The following EIF2B3 variants were observed in gnomAD, a reference collection of about 807,000 sequenced individuals.
EIF2B3 encodes eukaryotic translation initiation factor 2B subunit gamma.
Under a neutral mutation model 54.1 loss-of-function variants are expected in EIF2B3, and 20 were observed. That is an observed-to-expected ratio of 0.37 (90% CI 0.26 to 0.54). The LOEUF (loss-of-function observed/expected upper bound fraction) is 0.54, where lower values mean the gene tolerates loss of function less well. Ranked by LOEUF, EIF2B3 falls within the 20% of genes least tolerant of loss-of-function variation. The pLI, the probability that EIF2B3 is intolerant of heterozygous loss-of-function variation, is 0.86. For synonymous variants in EIF2B3, 153 were observed against 188.1 expected, an observed-to-expected ratio of 0.81 and a Z score of 1.52; for missense variants, 448 against 547.8, an observed-to-expected ratio of 0.82 and a Z score of 1.82.
chr1:44,936,645 TGA>T (rs1166299483), intron 4 of EIF2B3, among the ~76,000 whole-genome samples: 1 of 152,154 alleles, frequency 6.6e-6, no homozygotes, highest in East Asian at 1.9e-4. Context: ...TTTGTCACTA[TGA>T]GTTTCCCTTC....
chr1:44,922,836 ATTTTTTTTTTTTTTT>A (rs386366852), intron 5 of EIF2B3, among the ~76,000 whole-genome samples: 1 of 56,642 alleles, frequency 1.8e-5, no homozygotes, highest in African/African-American at 6.9e-5. Context: ...TCTTTTTCAG[ATTTTTTTTTTTTTTT>A]TTTTTTTTTT....
At chr1:44,905,512 T>A (rs2148919168) in intron 5 of EIF2B3, among the ~76,000 whole-genome samples, 1 of 152,272 alleles carries the variant, frequency 6.6e-6, no homozygotes, top group African/African-American at 2.4e-5. Context: ...AATCCTTTAT[T>A]CTCTATGACT....
chr1:44,922,823 ATTTC>A (rs904960175), intron 5 of EIF2B3, among the ~76,000 whole-genome samples: 5 of 77,772 alleles, frequency 6.4e-5, no homozygotes, highest in Non-Finnish European at 1.4e-4. Context: ...TACTTTCTTG[ATTTC>A]TTTTTCAGAT....
At chr1:44,891,085 A>G (rs914835156) in intron 6 of EIF2B3, among the ~76,000 whole-genome samples, 2 of 151,666 alleles carry the variant, frequency 1.3e-5, no homozygotes, top group Non-Finnish European at 2.9e-5. Context: ...GGGAAAAAAA[A>G]GAGACTTTTT....
chr1:44,875,526 A>G, intron 9 of EIF2B3, 92 bp downstream of exon 9: 2 of 1,198,730 alleles, frequency 1.7e-6, no homozygotes, highest in Non-Finnish European at 2.5e-6. Flanking sequence ...GATGAGGTTC[A>G]GGACTTAAAG....
In EIF2B3 at chr1:44,980,874, A is replaced by G. The variant is rs1557716505; in HGVS notation, c.148+147T>C. 7.4e-6 allele frequency: 7 copies of G among 944,628 alleles called. No individual in the cohort carries two copies. In the East Asian group the frequency reaches 7.6e-5, roughly 10 times the overall value. 58.5% of individuals were successfully genotyped at this position (944,628 alleles called of 1,614,324 possible). ...TCCTCTCAACCTTTTTCACACAGCA[A>G]TAGAGTACTCCTACATTCCTTAAAG... is the stretch of plus-strand genomic sequence containing the variant. On this transcript the variant is annotated intron_variant, in intron 2 of 11. Transcript: ENST00000360403.
At chr1:44,855,247 C>A (rs898013117) in intron 11 of EIF2B3, among the ~76,000 whole-genome samples, 3 of 152,130 alleles carry the variant, frequency 2.0e-5, no homozygotes, top group Non-Finnish European at 2.9e-5. Flanking sequence ...AGAGCCCAGA[C>A]AAGATGACTT....
intron 5 of EIF2B3, among the ~76,000 whole-genome samples, chr1:44,901,607 G>A (rs1026835824): frequency 2.1e-5 from 3 of 145,128 alleles, no homozygotes; most frequent in Non-Finnish European, 4.5e-5. Context: ...CATCCAGGCT[G>A]GAGTGCTGTG....
At chr1:44,869,307 G>C (rs1654881646) in intron 10 of EIF2B3, among the ~76,000 whole-genome samples, 1 of 151,844 alleles carries the variant, frequency 6.6e-6, no homozygotes, top group African/African-American at 2.4e-5. Context: ...GTGAAACCCT[G>C]TCTCTACTAA....
At chr1:44,859,419 G>A (rs1654540107) in intron 10 of EIF2B3, among the ~76,000 whole-genome samples, 1 of 152,268 alleles carries the variant, frequency 6.6e-6, no homozygotes, top group Non-Finnish European at 1.5e-5. Context: ...TACTTTGGGA[G>A]GCCAAGGCAG....
intron 3 of EIF2B3, among the ~76,000 whole-genome samples, chr1:44,969,247 C>T (rs1644377342): frequency 6.6e-6 from 1 of 152,092 alleles, no homozygotes; most frequent in African/African-American, 2.4e-5. Context: ...ACTATACATA[C>T]AGAGAAACAC....
chr1:44,976,902 G>A (rs1054973872), intron 3 of EIF2B3, among the ~76,000 whole-genome samples: 2 of 152,148 alleles, frequency 1.3e-5, no homozygotes, highest in African/African-American at 2.4e-5. Flanking sequence ...TTACTAGAAA[G>A]AAGCACAAAG....
chr1:44,853,078 C>A (rs527499231), intron 11 of EIF2B3, among the ~76,000 whole-genome samples: 141 of 151,968 alleles, frequency 9.3e-4, no homozygotes, highest in Non-Finnish European at 8.7e-4. Flanking sequence ...GACTGTGAAC[C>A]ACAGGCTAAA....
At chr1:44,913,575 G>A (rs944531482) in intron 5 of EIF2B3, among the ~76,000 whole-genome samples, 1 of 151,856 alleles carries the variant, frequency 6.6e-6, no homozygotes, top group African/African-American at 2.4e-5. Context: ...CATGAAAAAA[G>A]TTCACTGTAG....
chr1:44,879,836 G>A lies in EIF2B3; in HGVS notation c.957C>T (p.Tyr319=). The change falls in exon 8 of 12, where the codon TAC becomes TAT. Residue 319 remains tyrosine, a synonymous_variant. Coordinates refer to ENST00000360403, the MANE Select transcript of EIF2B3 (RefSeq NM_020365.5). ...CTCTCACCTGTCTGTTTGCTTCCAT[G>A]TAGAGTCCCAGTGTGCTCACTCGAG... ...LCSRVSTLGL[Y]MEANRQVPKL... is the part of the protein sequence containing the mutation. 6.2e-7 allele frequency: 1 copy of A among 1,613,974 alleles called. No individual in the cohort carries two copies.
At chr1:44,876,732 T>G (rs1655171834) in intron 8 of EIF2B3, among the ~76,000 whole-genome samples, 1 of 140,414 alleles carries the variant, frequency 7.1e-6, no homozygotes, top group Admixed American at 7.3e-5. Context: ...ATGATGACAA[T>G]GGCGGTTTTG....
chr1:44,911,037 C>G (rs1317664450), intron 5 of EIF2B3, among the ~76,000 whole-genome samples: 1 of 152,070 alleles, frequency 6.6e-6, no homozygotes, highest in Non-Finnish European at 1.5e-5. Context: ...AGGCCGTATC[C>G]AAGATAACTG....
At chr1:44,925,789 T>G (rs899324236) in intron 5 of EIF2B3, among the ~76,000 whole-genome samples, 1 of 152,034 alleles carries the variant, frequency 6.6e-6, no homozygotes, top group Non-Finnish European at 1.5e-5. Flanking sequence ...CTGGGTGTGG[T>G]GGCACATGCC....
chr1:44,855,482 C>A (rs1654405714), intron 11 of EIF2B3, among the ~76,000 whole-genome samples: 1 of 152,140 alleles, frequency 6.6e-6, no homozygotes, highest in Admixed American at 6.5e-5. Context: ...TTTTCCCCTT[C>A]TGAGCATTTA....
Sources: gnomAD v4.1 joint callset for allele counts (sites outside exome capture counted in the v4.1 genomes callset) on GRCh38, gnomAD v4.1.1 for gene constraint, MANE v1.5 for transcripts, NCBI Gene and HGNC (gene_info 2026-07-23, HGNC 2026-07-21) for gene names.